Variants in ABCB4 observed in about 807,000 individuals in gnomAD.
The protein encoded by ABCB4 is phosphatidylcholine translocator ABCB4.
ABCB4 carries 76 observed loss-of-function variants against 145.7 expected under a neutral mutation model. The ratio of observed to expected loss-of-function variants is 0.52; its 90% CI spans 0.43 to 0.63. The LOEUF (loss-of-function observed/expected upper bound fraction) is 0.63. Ranked by LOEUF, ABCB4 falls within the 30% of genes least tolerant of loss-of-function variation. ABCB4 has a pLI of 0.00. For synonymous variants in ABCB4, 517 were observed against 566.8 expected (o/e 0.91, Z 1.25); for missense variants, 1,234 against 1,553.1 (o/e 0.79, Z 3.45).
At chr7:87,398,452 A>G (rs1807623267), downstream of ABCB4, 16 of 1,554,602 alleles carry the variant, frequency 1.0e-5, no homozygotes, top group East Asian at 6.7e-5. Context: ...GATGAAATAA[A>G]GTCCTGGTTG....
At chr7:87,468,194 TA>T (rs567554905) in intron 3 of ABCB4, among the ~76,000 whole-genome samples, 2 of 152,000 alleles carry the variant, frequency 1.3e-5, no homozygotes, top group Non-Finnish European at 2.9e-5. Context: ...ATAGACGCAA[TA>T]AAAAATGATA....
At chr7:87,411,591 A>AT (rs569015628) in intron 23 of ABCB4, among the ~76,000 whole-genome samples, 2 of 152,026 alleles carry the variant, frequency 1.3e-5, no homozygotes, top group African/African-American at 4.8e-5. Context: ...TCTAATTATG[A>AT]TTTTTTCTGC....
intron 18 of ABCB4, among the ~76,000 whole-genome samples, chr7:87,420,438 TA>T (rs1809338554): frequency 6.6e-6 from 1 of 152,176 alleles, no homozygotes; most frequent in Non-Finnish European, 1.5e-5. Flanking sequence ...CATACGCTTA[TA>T]AAACCTGACC....
intron 5 of ABCB4, among the ~76,000 whole-genome samples, 166 bp downstream of exon 5, chr7:87,454,369 G>T (rs369373629): frequency 2.5e-4 from 38 of 152,248 alleles, no homozygotes; most frequent in East Asian, 2.3e-3. Flanking sequence ...GCAGTAAAGG[G>T]CCATGATGTG....
At chr7:87,398,220 T>C (rs1807608397), downstream of ABCB4, 1 of 518,200 alleles carries the variant, frequency 1.9e-6, no homozygotes. Context: ...GGAAGGACTT[T>C]TCTAGGAAGG....
intron 19 of ABCB4, among the ~76,000 whole-genome samples, chr7:87,419,732 T>C (rs1442156763): frequency 6.8e-6 from 1 of 146,362 alleles, no homozygotes; most frequent in Non-Finnish European, 1.5e-5. Flanking sequence ...AGTGTCTACA[T>C]GGAGAGAGAT....
chr7:87,369,439 ATGT>A, the ABCB4 span: 4 of 1,613,164 alleles, frequency 2.5e-6, no homozygotes, highest in African/African-American at 5.3e-5. Context: ...TTTGTCTTTG[ATGT>A]AATACATGAA....
downstream of ABCB4, chr7:87,398,244 T>C: frequency 1.8e-6 from 1 of 569,318 alleles, no homozygotes. Context: ...TTTTTTGTTC[T>C]GTTTTAAACG....
Position 87,450,041 on chromosome 7 carries a change from C to T in ABCB4, c.760G>A (p.Ala254Thr), listed in dbSNP as rs147998447. The change falls in exon 8 of 28, where the codon GCC (alanine) becomes ACC (threonine). Residue 254 changes from alanine (A) to threonine (T), a missense_variant. Physicochemically the swap from Ala to Thr is moderately conservative, Grantham distance 58. Transcript: ENST00000649586. The part of the protein sequence containing the change: ...KELAAYAKAG[A>T]VAEEALGAIR... Reference sequence around the variant, plus strand: ...GCCCCCAGAGCCTCTTCTGCCACGGCGCCTGCTTTTGCATAAGCAGCTAGT... The same window carrying T: ...GCCCCCAGAGCCTCTTCTGCCACGGTGCCTGCTTTTGCATAAGCAGCTAGT... The T allele has an allele frequency of 6.1e-5, 98 of 1,614,174 alleles. No homozygotes were observed. In the African/African-American group the frequency reaches 9.6e-4, roughly 16 times the overall value.
the ABCB4 span, among the ~76,000 whole-genome samples, chr7:87,383,738 C>A: frequency 2.0e-5 from 3 of 152,084 alleles, no homozygotes; most frequent in African/African-American, 7.2e-5. Context: ...CTCAGGTGAT[C>A]TGCGTGCCTT....
Position 87,408,075 on chromosome 7 carries a change from G to A in ABCB4, c.3241C>T (p.Leu1081Phe), listed in dbSNP as rs772948456. Residue 1081 changes from leucine to phenylalanine, a missense_variant, in exon 25 of 28, where the codon CTC becomes TTC. Physicochemically the swap from Leu to Phe is conservative, Grantham distance 22. This residue lies in a region of ABCB4 where 301 missense variants were observed against 389.0 expected (regional missense o/e 0.77). Coordinates refer to ENST00000649586, the MANE Select transcript of ABCB4 (RefSeq NM_000443.4). ...SGCGKSTVVQ[L>F]LERFYDPLAG... ...AAGGGGTCGTAGAACCGCTCCAGGA[G>A]CTGGACCACCGTGCTCTTCCCACAG... 1.9e-6 allele frequency: 3 copies of A among 1,614,166 alleles called. No individual in the cohort carries two copies. In the South Asian group the frequency reaches 3.3e-5, roughly 18 times the overall value.
At chr7:87,403,877 A>C (rs1807988264) in intron 26 of ABCB4, among the ~76,000 whole-genome samples, 1 of 152,180 alleles carries the variant, frequency 6.6e-6, no homozygotes, top group Admixed American at 6.5e-5. Context: ...ACAGGGTAGA[A>C]GGAGAAAAAA....
rs1563009569 is a variant in ABCB4 at position 87,472,798 on chromosome 7, C to A, written c.81-123G>T. On this transcript the variant is annotated intron_variant, in intron 2 of 27. Transcript: ENST00000649586. The stretch of plus-strand genomic sequence containing the variant: ...TTTTCAAATATAAGAGTGATGTTCA[C>A]AAAATGTCAAAATTATTCAGTTCAA... 4 of 754,556 alleles carry A rather than the reference C, an allele frequency of 5.3e-6. No homozygotes were observed. The East Asian group carries it at 8.2e-5, about 16-fold the overall frequency. The allele number at this position is 754,556 out of a possible 1,614,324, so 46.7% of individuals were successfully genotyped here.
intron 19 of ABCB4, 150 bp downstream of exon 19, chr7:87,419,848 G>A (rs1809289350): frequency 1.2e-6 from 1 of 848,074 alleles, no homozygotes; most frequent in East Asian, 2.4e-5. Context: ...GCTCTTGAAG[G>A]ACCAGGACAA....
intron 3 of ABCB4, among the ~76,000 whole-genome samples, chr7:87,465,422 C>A (rs924833977): frequency 2.6e-5 from 4 of 152,188 alleles, no homozygotes; most frequent in Non-Finnish European, 4.4e-5. Flanking sequence ...CTGGGTGGAG[C>A]CCACCACAGC....
chr7:87,396,100 A>G, the ABCB4 span, among the ~76,000 whole-genome samples: 1 of 152,170 alleles, frequency 6.6e-6, no homozygotes, highest in Non-Finnish European at 1.5e-5. Context: ...GATTGTCGAT[A>G]TGGCAAAAAA....
Position 87,413,629 on chromosome 7 carries a change from T to C in ABCB4, c.2771A>G (p.Tyr924Cys), listed in dbSNP as rs371267771. 2 of 1,604,664 alleles carry C rather than the reference T, an allele frequency of 1.2e-6. No individual in the cohort carries two copies. The highest frequency in any genetic ancestry group is 2.7e-5 in the African/African-American group (2 of 74,834). ...KFESMYVEKLYGPYRNSVQKA... is the reference protein window; with the variant it reads ...KFESMYVEKLCGPYRNSVQKA... Reference sequence around the variant, plus strand: ...TATGGTTCATTACCTGTAAGGTCCATACAATTTTTCAACATACATTGATTC... The same window carrying C: ...TATGGTTCATTACCTGTAAGGTCCACACAATTTTTCAACATACATTGATTC... Residue 924 changes from tyrosine to cysteine, a missense_variant, in exon 22 of 28, where the codon TAT (tyrosine) becomes TGT (cysteine). Physicochemically the swap from Tyr to Cys is radical, Grantham distance 194. This residue lies in a region of ABCB4 where 301 missense variants were observed against 389.0 expected (regional missense o/e 0.77). Coordinates refer to ENST00000649586, the MANE Select transcript of ABCB4 (RefSeq NM_000443.4).
At chr7:87,378,041 A>AT in the ABCB4 span, among the ~76,000 whole-genome samples, 2 of 152,038 alleles carry the variant, frequency 1.3e-5, no homozygotes, top group Non-Finnish European at 2.9e-5. Flanking sequence ...AACCAAGAAA[A>AT]TTTTTTATAA....
At chr7:87,375,690 G>C in the ABCB4 span, 2 of 1,613,546 alleles carry the variant, frequency 1.2e-6, no homozygotes, top group South Asian at 2.2e-5. Flanking sequence ...TGGGATTGCA[G>C]CATTAACTAG....
Sources: allele counts gnomAD v4.1 joint callset (sites outside exome capture counted in the v4.1 genomes callset), GRCh38; gene constraint gnomAD v4.1.1; regional missense constraint gnomAD v4.1.1; transcripts MANE v1.5; gene names NCBI Gene and HGNC (gene_info 2026-07-23, HGNC 2026-07-21).